The following PKIG variants were observed in gnomAD, a reference collection of about 807,000 sequenced individuals.
The protein encoded by PKIG is cAMP-dependent protein kinase inhibitor gamma.
PKIG carries 1 observed loss-of-function variant against 6.8 expected under a neutral mutation model. The observed-to-expected ratio is 0.15, with a 90% CI of 0.05 to 0.69. The LOEUF (loss-of-function observed/expected upper bound fraction) is 0.69. PKIG is among the 30% of genes least tolerant of loss of function. The pLI, the probability that PKIG is intolerant of heterozygous loss-of-function variation, is 0.82. For synonymous variants in PKIG, 39 were observed against 43.0 expected, an observed-to-expected ratio of 0.91 and a Z score of 0.36; for missense variants, 77 against 104.0, an observed-to-expected ratio of 0.74 and a Z score of 1.13.
intron 2 of PKIG, among the ~76,000 whole-genome samples, chr20:44,599,721 AAAAAAAC>A (rs892137914): frequency 3.3e-4 from 50 of 152,258 alleles, no homozygotes; most frequent in African/African-American, 6.5e-4. Context: ...ATTCTGTCTC[AAAAAAAC>A]AAAAAACAAA....
intron 1 of PKIG, among the ~76,000 whole-genome samples, chr20:44,544,925 C>CTTTTTTTTTTTTTTTTTT (rs796482642): frequency 1.2e-4 from 8 of 64,388 alleles, no homozygotes; most frequent in African/African-American, 2.2e-4. Context: ...TTCCTTCTTT[C>CTTTTTTTTTTTTTTTTTT]TTTTTTTTTT....
At chr20:44,544,047 A>G (rs1314270960) in intron 1 of PKIG, among the ~76,000 whole-genome samples, 1 of 150,922 alleles carries the variant, frequency 6.6e-6, no homozygotes, top group African/African-American at 2.4e-5. Flanking sequence ...CTGGGCAACA[A>G]GAGCAAAACT....
At chr20:44,603,846 C>T (rs575392939) in intron 2 of PKIG, among the ~76,000 whole-genome samples, 1 of 152,248 alleles carries the variant, frequency 6.6e-6, no homozygotes, top group East Asian at 1.9e-4. Flanking sequence ...GACTGTAGAC[C>T]CATGTGTTAG....
At chr20:44,599,754 A>G (rs1172004539) in intron 2 of PKIG, among the ~76,000 whole-genome samples, 2 of 152,180 alleles carry the variant, frequency 1.3e-5, no homozygotes, top group Non-Finnish European at 2.9e-5. Context: ...AAAAAACTGT[A>G]TAACTGTTGG....
At chr20:44,551,576 G>C (rs796801585) in intron 1 of PKIG, among the ~76,000 whole-genome samples, 1 of 152,046 alleles carries the variant, frequency 6.6e-6, no homozygotes, top group Non-Finnish European at 1.5e-5. Flanking sequence ...TTAACATCTT[G>C]GTCTCTACCT....
chr20:44,566,348 C>G (rs936205119), intron 1 of PKIG, among the ~76,000 whole-genome samples: 1 of 152,176 alleles, frequency 6.6e-6, no homozygotes, highest in Admixed American at 6.5e-5. Context: ...AAAAAGTTTA[C>G]TAGCCGCTGT....
intron 1 of PKIG, among the ~76,000 whole-genome samples, chr20:44,563,766 C>T (rs193074202): frequency 2.6e-5 from 4 of 152,144 alleles, no homozygotes; most frequent in Non-Finnish European, 1.5e-5. Flanking sequence ...CCTGGACTCA[C>T]GTGATCCTTC....
intron 1 of PKIG, among the ~76,000 whole-genome samples, chr20:44,565,265 T>C (rs1201717839): frequency 1.3e-5 from 2 of 152,170 alleles, no homozygotes; most frequent in Non-Finnish European, 2.9e-5. Context: ...ATATAAAATT[T>C]TCCATCTACT....
At chr20:44,573,417 C>T (rs960445316) in intron 1 of PKIG, among the ~76,000 whole-genome samples, 36 of 152,196 alleles carry the variant, frequency 2.4e-4, no homozygotes, top group African/African-American at 8.4e-4. Context: ...AGAAGGAGTA[C>T]TAGATTAAGG....
At chr20:44,573,569 C>T (rs912892399) in intron 1 of PKIG, among the ~76,000 whole-genome samples, 2 of 152,116 alleles carry the variant, frequency 1.3e-5, no homozygotes, top group African/African-American at 4.8e-5. Context: ...TGGACTATAC[C>T]GAACAAATGG....
chr20:44,547,666 T>C (rs1182756766), intron 1 of PKIG, among the ~76,000 whole-genome samples: 1 of 152,212 alleles, frequency 6.6e-6, no homozygotes, highest in Non-Finnish European at 1.5e-5. Context: ...ACTTACTAAC[T>C]TGGTGACTTT....
intron 1 of PKIG, among the ~76,000 whole-genome samples, chr20:44,575,667 C>T (rs1040650952): frequency 6.6e-6 from 1 of 152,162 alleles, no homozygotes; most frequent in Admixed American, 6.5e-5. Context: ...ACTGAGGGCC[C>T]TTCACGTGTT....
chr20:44,600,262 A>C (rs995958882), intron 2 of PKIG, among the ~76,000 whole-genome samples: 1 of 152,224 alleles, frequency 6.6e-6, no homozygotes, highest in Non-Finnish European at 1.5e-5. Flanking sequence ...AGGCAGGGCC[A>C]GGTCAATGCA....
intron 1 of PKIG, among the ~76,000 whole-genome samples, chr20:44,552,309 C>T (rs986392402): frequency 6.6e-6 from 1 of 152,208 alleles, no homozygotes; most frequent in African/African-American, 2.4e-5. Flanking sequence ...GCCTGTGTTA[C>T]ATTTGATTGT....
chr20:44,553,707 T>A (rs1023783717), intron 1 of PKIG, among the ~76,000 whole-genome samples: 1 of 152,206 alleles, frequency 6.6e-6, no homozygotes, highest in Non-Finnish European at 1.5e-5. Flanking sequence ...TATACTCTAA[T>A]GCTCGTTTAT....
chr20:44,561,874 G>T (rs1317891872), intron 1 of PKIG, among the ~76,000 whole-genome samples: 1 of 152,182 alleles, frequency 6.6e-6, no homozygotes, highest in Non-Finnish European at 1.5e-5. Flanking sequence ...AGATGAATTT[G>T]CAGATTCAAA....
chr20:44,569,586 TTTG>T (rs1371767667), intron 1 of PKIG, among the ~76,000 whole-genome samples: 5 of 152,222 alleles, frequency 3.3e-5, no homozygotes, highest in Non-Finnish European at 5.9e-5. Flanking sequence ...TTTTATTTTT[TTTG>T]TTATTTTATT....
At chr20:44,587,243 C>T (rs570567708) in intron 1 of PKIG, among the ~76,000 whole-genome samples, 23 of 152,348 alleles carry the variant, frequency 1.5e-4, no homozygotes, top group African/African-American at 5.3e-4. Flanking sequence ...GAAATATGCA[C>T]AAGTGCTACA....
chr20:44,601,951 C>G (rs2065124685), intron 2 of PKIG, among the ~76,000 whole-genome samples: 1 of 152,154 alleles, frequency 6.6e-6, no homozygotes, highest in Non-Finnish European at 1.5e-5. Context: ...TATTAGAAAC[C>G]CACGGGAGAA....
Sources: allele counts gnomAD v4.1 joint callset (sites outside exome capture counted in the v4.1 genomes callset), GRCh38; gene constraint gnomAD v4.1.1; transcripts MANE v1.5; gene names NCBI Gene and HGNC (gene_info 2026-07-23, HGNC 2026-07-21).